TSPAN9: variants seen among roughly 807,000 people sequenced by gnomAD.
TSPAN9 encodes the protein tetraspanin 9.
A neutral mutation model predicts 31.0 loss-of-function variants in TSPAN9; 16 were observed. That is an observed-to-expected ratio of 0.52 (90% CI 0.35 to 0.78). The LOEUF (loss-of-function observed/expected upper bound fraction) is 0.78. Among genes scored for constraint, TSPAN9 ranks in the 30% least tolerant of loss-of-function variants. The pLI, the probability that TSPAN9 is intolerant of heterozygous loss-of-function variation, is 0.01. For synonymous variants in TSPAN9, 145 were observed against 121.6 expected, an observed-to-expected ratio of 1.19 and a Z score of -1.27; for missense variants, 272 against 312.5, an observed-to-expected ratio of 0.87 and a Z score of 0.98.
At chr12:3,096,050 C>G (rs1032138458) in intron 2 of TSPAN9, among the ~76,000 whole-genome samples, 1 of 151,684 alleles carries the variant, frequency 6.6e-6, no homozygotes, top group East Asian at 1.9e-4. Flanking sequence ...TCCCGGGCGG[C>G]GCTCCCGGCG....
At chr12:3,248,884 G>A (rs1475188845) in intron 3 of TSPAN9, among the ~76,000 whole-genome samples, 1 of 152,032 alleles carries the variant, frequency 6.6e-6, no homozygotes, top group Non-Finnish European at 1.5e-5. Flanking sequence ...GTTCGGTAAT[G>A]GATCCCACCA....
At chr12:3,179,100 A>T (rs1324645643) in intron 2 of TSPAN9, among the ~76,000 whole-genome samples, 2 of 152,150 alleles carry the variant, frequency 1.3e-5, no homozygotes, top group Non-Finnish European at 2.9e-5. Context: ...ATTAGACAGG[A>T]ACTATCAGGA....
intron 2 of TSPAN9, among the ~76,000 whole-genome samples, chr12:3,089,028 C>T (rs974530564): frequency 5.9e-5 from 9 of 151,744 alleles, no homozygotes; most frequent in East Asian, 4.0e-4. Context: ...GTCAGGAGAT[C>T]GAGATCATCC....
At chr12:3,163,707 G>A (rs191411474) in intron 2 of TSPAN9, among the ~76,000 whole-genome samples, 101 of 152,266 alleles carry the variant, frequency 6.6e-4, no homozygotes, top group African/African-American at 2.2e-3. Flanking sequence ...AATCCATTGC[G>A]TATAATTTAC....
intron 2 of TSPAN9, among the ~76,000 whole-genome samples, chr12:3,126,823 CA>C (rs1197399053): frequency 6.6e-6 from 1 of 151,940 alleles, no homozygotes; most frequent in Non-Finnish European, 1.5e-5. Flanking sequence ...GAGGAGGCTG[CA>C]ATGAGCTGGG....
intron 2 of TSPAN9, among the ~76,000 whole-genome samples, chr12:3,088,999 G>A (rs544540177): frequency 6.4e-4 from 97 of 152,062 alleles, no homozygotes; most frequent in African/African-American, 2.2e-3. Flanking sequence ...TTGGGAGGCC[G>A]ATGCAGGCGG....
chr12:3,078,998 G>C (rs2098296479), intron 1 of TSPAN9, among the ~76,000 whole-genome samples: 1 of 95,140 alleles, frequency 1.1e-5, no homozygotes, highest in Admixed American at 1.2e-4. Flanking sequence ...TTTTTTTTTT[G>C]AGACAGAGTC....
At chr12:3,219,092 TC>T (rs1401703191) in intron 3 of TSPAN9, among the ~76,000 whole-genome samples, 1 of 152,162 alleles carries the variant, frequency 6.6e-6, no homozygotes, top group Non-Finnish European at 1.5e-5. Flanking sequence ...AGGTGGCCCT[TC>T]CCACCCGTGG....
chr12:3,199,075 C>T (rs892887802), intron 2 of TSPAN9, among the ~76,000 whole-genome samples: 1 of 152,214 alleles, frequency 6.6e-6, no homozygotes, highest in African/African-American at 2.4e-5. Context: ...GGCAGGGAGC[C>T]CCACTTCTCA....
intron 2 of TSPAN9, among the ~76,000 whole-genome samples, chr12:3,133,985 C>T (rs1490589769): frequency 1.3e-5 from 2 of 152,064 alleles, no homozygotes; most frequent in Admixed American, 6.5e-5. Flanking sequence ...ACAGGGTCAG[C>T]GCTTAGGGCT....
At chr12:3,118,316 G>A (rs989015106) in intron 2 of TSPAN9, among the ~76,000 whole-genome samples, 1 of 122,972 alleles carries the variant, frequency 8.1e-6, no homozygotes, top group Non-Finnish European at 1.6e-5. Flanking sequence ...AGGCTGGAGT[G>A]CAGTGGCATG....
intron 2 of TSPAN9, among the ~76,000 whole-genome samples, chr12:3,156,185 T>C (rs1461255879): frequency 6.6e-6 from 1 of 152,192 alleles, no homozygotes; most frequent in African/African-American, 2.4e-5. Flanking sequence ...GGGGTCTGGG[T>C]GCACCTTTGG....
At chr12:3,133,145 G>A (rs2098330545) in intron 2 of TSPAN9, among the ~76,000 whole-genome samples, 1 of 152,118 alleles carries the variant, frequency 6.6e-6, no homozygotes, top group Admixed American at 6.5e-5. Context: ...AGATGCGTGA[G>A]GTATTTTGGG....
At chr12:3,115,527 A>G (rs2098321832) in intron 2 of TSPAN9, among the ~76,000 whole-genome samples, 1 of 152,214 alleles carries the variant, frequency 6.6e-6, no homozygotes, top group Non-Finnish European at 1.5e-5. Flanking sequence ...TATAAACAAT[A>G]GGCATTTATT....
chr12:3,272,118 G>A (rs531067084), intron 3 of TSPAN9, among the ~76,000 whole-genome samples: 1 of 152,314 alleles, frequency 6.6e-6, no homozygotes. Context: ...GTGGATGAGG[G>A]TGTCAGGGGG....
In TSPAN9 at chr12:3,281,717, T is replaced by C. The variant is rs1373861509; in HGVS notation, c.565-17T>C. On this transcript the variant is annotated splice_polypyrimidine_tract_variant and intron_variant, in intron 7 of 8. Transcript: ENST00000011898. ...TGCTTGGGCTGGGACCCTAACCTCGTGGGCCTCGCTCCCCAGGGCTGCTAT... is the reference window on the plus strand; with the variant it reads ...TGCTTGGGCTGGGACCCTAACCTCGCGGGCCTCGCTCCCCAGGGCTGCTAT... The C allele has an allele frequency of 1.2e-5, 20 of 1,607,472 alleles. No individual in the cohort carries two copies. Among genetic ancestry groups the C allele is most frequent in the Non-Finnish European group, 1.6e-5 (19 of 1,174,728 alleles).
In TSPAN9 at chr12:3,280,287, A is replaced by G. The variant is rs778334782; in HGVS notation, c.331-95A>G. 42 of 1,137,916 alleles carry G rather than the reference A, an allele frequency of 3.7e-5. No homozygotes were observed. Among genetic ancestry groups the G allele is most frequent in the Non-Finnish European group, 5.1e-5 (39 of 771,616 alleles). 70.5% of individuals were successfully genotyped at this position (1,137,916 alleles called of 1,614,324 possible). The stretch of plus-strand genomic sequence containing the variant: ...GCCTTCCCTGCCTTCCTCACTCCTC[A>G]TCTGTCACCCACCATCCTGGGTGAC... On this transcript the variant is annotated intron_variant, in intron 5 of 8. Transcript: ENST00000011898. The surrounding 1 kb of genome is among the most constrained non-coding windows in gnomAD (Gnocchi z 4.5).
chr12:3,226,700 G>A (rs547296752), intron 3 of TSPAN9, among the ~76,000 whole-genome samples: 8 of 36,380 alleles, frequency 2.2e-4, no homozygotes, highest in African/African-American at 3.4e-4. Flanking sequence ...GTGTGTGTGT[G>A]TGTGTGTATG....
intron 2 of TSPAN9, among the ~76,000 whole-genome samples, chr12:3,195,850 G>A (rs1408252405): frequency 6.6e-6 from 1 of 152,110 alleles, no homozygotes; most frequent in Non-Finnish European, 1.5e-5. Context: ...CCTGCCTCCC[G>A]AAGGTACCAC....
Sources: gnomAD v4.1 joint callset for allele counts (sites outside exome capture counted in the v4.1 genomes callset) on GRCh38, gnomAD v4.1.1 for gene constraint, Gnocchi (gnomAD v3.1) non-coding constraint, MANE v1.5 for transcripts, NCBI Gene and HGNC (gene_info 2026-07-23, HGNC 2026-07-21) for gene names.